Variants in SAMD12 observed in about 807,000 individuals in gnomAD.
SAMD12 encodes the protein sterile alpha motif domain-containing protein 12.
SAMD12 carries 9 observed loss-of-function variants against 15.0 expected under a neutral mutation model. The ratio of observed to expected loss-of-function variants is 0.60; its 90% CI spans 0.36 to 1.05. The LOEUF (loss-of-function observed/expected upper bound fraction) is 1.05. Ranked by LOEUF, SAMD12 falls within the 50% of genes least tolerant of loss-of-function variation. The pLI is 0.01. For synonymous variants in SAMD12, 86 were observed against 90.1 expected (o/e 0.96, Z 0.25); for missense variants, 230 against 234.2 (o/e 0.98, Z 0.12).
intron 2 of SAMD12, among the ~76,000 whole-genome samples, chr8:118,579,660 C>T (rs1391196023): frequency 6.6e-6 from 1 of 152,106 alleles, no homozygotes; most frequent in African/African-American, 2.4e-5. Flanking sequence ...TATTGTACAA[C>T]AGTAAGGTGA....
intron 3 of SAMD12, among the ~76,000 whole-genome samples, chr8:118,431,848 CTG>C (rs1219025412): frequency 5.9e-5 from 9 of 152,060 alleles, no homozygotes; most frequent in Non-Finnish European, 1.3e-4. Flanking sequence ...AACTATTCTT[CTG>C]TCTTCTTCTT....
At chr8:118,202,548 C>G (rs1819743036) in intron 4 of SAMD12, among the ~76,000 whole-genome samples, 1 of 152,216 alleles carries the variant, frequency 6.6e-6, no homozygotes, top group Non-Finnish European at 1.5e-5. Context: ...AATAACAGAT[C>G]TGGGATGGAT....
downstream of SAMD12, among the ~76,000 whole-genome samples, chr8:118,189,123 G>A (rs11562666): frequency 0.014 from 2,103 of 152,194 alleles, 49 homozygotes; most frequent in African/African-American, 0.048. Context: ...TGTCTGAGGG[G>A]TGAAGAGAAT....
intron 2 of SAMD12, among the ~76,000 whole-genome samples, chr8:118,444,577 C>T (rs959475323): frequency 1.3e-5 from 2 of 149,048 alleles, no homozygotes; most frequent in African/African-American, 5.0e-5. Context: ...TTTTTATTTA[C>T]TCATATAATA....
chr8:118,344,605 A>C (rs1358006292), intron 4 of SAMD12, among the ~76,000 whole-genome samples: 1 of 150,940 alleles, frequency 6.6e-6, no homozygotes, highest in East Asian at 1.9e-4. Context: ...AAACAACAGA[A>C]GAAGAGTTCC....
intron 2 of SAMD12, among the ~76,000 whole-genome samples, chr8:118,551,128 G>C (rs1826319016): frequency 6.6e-6 from 1 of 152,122 alleles, no homozygotes; most frequent in Non-Finnish European, 1.5e-5. Context: ...GGGACAGAAA[G>C]TCAACAAGGA....
chr8:118,434,097 A>G (rs1375587290), intron 3 of SAMD12, among the ~76,000 whole-genome samples: 4 of 152,204 alleles, frequency 2.6e-5, no homozygotes, highest in African/African-American at 4.8e-5. Flanking sequence ...ATGGAGCCAC[A>G]TTCCAAAGGT....
intron 4 of SAMD12, among the ~76,000 whole-genome samples, chr8:118,206,869 C>A (rs1198281157): frequency 2.6e-5 from 4 of 152,198 alleles, no homozygotes; most frequent in South Asian, 2.1e-4. Flanking sequence ...CTGCTGTGAA[C>A]CTTAAGTTCC....
chr8:118,296,614 C>T lies in SAMD12; in HGVS notation c.433+82946G>A, dbSNP rs145572521. On this transcript the variant is annotated intron_variant, in intron 4 of 4. Transcript: ENST00000409003. ...AGGCACATAGTAGGTACCCAGTCAA[C>T]ATTGGTGGAAAGAATGACATAGCAG... Among the ~76,000 whole-genome samples the T allele has an allele frequency of 3.3e-5, 5 of 152,352 alleles. No individual in the cohort carries two copies. The East Asian group carries it at 7.7e-4, about 24-fold the overall frequency.
exon 5 of SAMD12, chr8:118,191,850 A>AGAGAGAGAGT (rs1306244240): frequency 7.3e-5 from 9 of 122,576 alleles, no homozygotes; most frequent in Non-Finnish European, 1.2e-4. Context: ...AGAGAGAGAG[A>AGAGAGAGAGT]GTGAGAAAAG....
At chr8:118,227,128 A>G (rs771052575) in intron 4 of SAMD12, among the ~76,000 whole-genome samples, 4 of 152,178 alleles carry the variant, frequency 2.6e-5, no homozygotes, top group Admixed American at 6.5e-5. Flanking sequence ...ATGCCCATCA[A>G]TGGTAGGCTG....
chr8:118,425,074 G>C (rs1822184480), intron 3 of SAMD12, among the ~76,000 whole-genome samples: 2 of 151,930 alleles, frequency 1.3e-5, no homozygotes, highest in Admixed American at 1.3e-4. Context: ...GAGTAGCTGG[G>C]ACTACAGGCG....
intron 2 of SAMD12, among the ~76,000 whole-genome samples, chr8:118,521,886 T>C (rs142449684): frequency 6.6e-6 from 1 of 151,940 alleles, no homozygotes; most frequent in African/African-American, 2.4e-5. Flanking sequence ...TAGGGAGATA[T>C]TTTTGCTTAG....
downstream of SAMD12, among the ~76,000 whole-genome samples, chr8:118,186,622 A>G (rs929550594): frequency 5.3e-4 from 81 of 152,118 alleles, no homozygotes; most frequent in Non-Finnish European, 5.7e-4. Flanking sequence ...AAATTGATAA[A>G]GAAAATCATT....
At chr8:118,260,219 T>C (rs1813046259) in intron 4 of SAMD12, among the ~76,000 whole-genome samples, 1 of 152,132 alleles carries the variant, frequency 6.6e-6, no homozygotes, top group Admixed American at 6.6e-5. Context: ...TCCTGATGAT[T>C]TCTAAATAAG....
At chr8:118,539,578 C>A (rs907884934) in intron 2 of SAMD12, among the ~76,000 whole-genome samples, 1 of 152,130 alleles carries the variant, frequency 6.6e-6, no homozygotes, top group Admixed American at 6.5e-5. Context: ...TTTGAGAATG[C>A]TGCCCATACC....
chr8:118,512,822 A>C (rs370534502), intron 2 of SAMD12, among the ~76,000 whole-genome samples: 27 of 152,042 alleles, frequency 1.8e-4, no homozygotes, highest in African/African-American at 6.5e-4. Context: ...CAGGCTATAG[A>C]CTATTCTTCA....
intron 1 of SAMD12, among the ~76,000 whole-genome samples, chr8:118,608,007 C>A (rs944813437): frequency 3.9e-5 from 6 of 152,074 alleles, no homozygotes; most frequent in Non-Finnish European, 5.9e-5. Flanking sequence ...CTAGGTATAA[C>A]CCTTTATCTT....
chr8:118,284,791 A>T (rs1266625319), intron 4 of SAMD12: 3 of 156,338 alleles, frequency 1.9e-5, no homozygotes, highest in Non-Finnish European at 4.2e-5. Context: ...AAATACAAAA[A>T]ATTAGCCAGG....
Sources: allele counts gnomAD v4.1 joint callset (sites outside exome capture counted in the v4.1 genomes callset), GRCh38; gene constraint gnomAD v4.1.1; transcripts MANE v1.5; gene names NCBI Gene and HGNC (gene_info 2026-07-23, HGNC 2026-07-21).